The following PTPRN2 variants were observed in gnomAD, a reference collection of about 807,000 sequenced individuals.
PTPRN2 encodes the protein receptor-type tyrosine-protein phosphatase N2.
Under a neutral mutation model 118.8 loss-of-function variants are expected in PTPRN2, and 74 were observed. That is an observed-to-expected ratio of 0.62 (90% CI 0.52 to 0.76). The LOEUF is 0.76. Ranked by LOEUF, PTPRN2 falls within the 30% of genes least tolerant of loss-of-function variation. PTPRN2 has a pLI of 0.00. For synonymous variants in PTPRN2, 641 were observed against 608.0 expected, an observed-to-expected ratio of 1.05 and a Z score of -0.80; for missense variants, 1,481 against 1,394.4, an observed-to-expected ratio of 1.06 and a Z score of -0.99.
intron 5 of PTPRN2, among the ~76,000 whole-genome samples, chr7:158,189,981 G>A (rs745329456): frequency 6.6e-6 from 1 of 152,218 alleles, no homozygotes; most frequent in Non-Finnish European, 1.5e-5. Flanking sequence ...GTGTGCGGAG[G>A]GAATATGTTT....
At chr7:158,158,587 A>T (rs112085331) in intron 6 of PTPRN2, among the ~76,000 whole-genome samples, 1 of 107,828 alleles carries the variant, frequency 9.3e-6, no homozygotes, top group Non-Finnish European at 2.2e-5. Flanking sequence ...GGACTTCGCA[A>T]GTGCTTTCTG....
chr7:157,606,918 G>A (rs984883811), intron 15 of PTPRN2, among the ~76,000 whole-genome samples: 1 of 152,182 alleles, frequency 6.6e-6, no homozygotes, highest in East Asian at 1.9e-4. Context: ...CTTCAGGTAG[G>A]AATGTCAGCC....
At chr7:157,840,856 AGT>A (rs1808368776) in intron 12 of PTPRN2, among the ~76,000 whole-genome samples, 1 of 152,226 alleles carries the variant, frequency 6.6e-6, no homozygotes, top group African/African-American at 2.4e-5. Flanking sequence ...AGGAGCCAGA[AGT>A]GTTTCTTCTT....
chr7:157,629,947 G>A lies in PTPRN2; in HGVS notation c.2197-8438C>T, dbSNP rs1165185516. Among the ~76,000 whole-genome samples, 1 of 152,224 alleles carries A rather than the reference G, an allele frequency of 6.6e-6. No homozygotes were observed. The highest frequency in any genetic ancestry group is 1.9e-4 in the East Asian group (1 of 5,196). On this transcript the variant is annotated intron_variant, in intron 14 of 22. Transcript: ENST00000389418. This position sits in a 1 kb window ranked among gnomAD's most constrained non-coding sequence, Gnocchi z 4.4. ...TGCTTTTAAAAGCAAGGACTAAGCT[G>A]CTTCCACTGCCACTTGGGGAAATGA... is the stretch of plus-strand genomic sequence containing the variant.
intron 21 of PTPRN2, among the ~76,000 whole-genome samples, chr7:157,557,420 C>A (rs1798958471): frequency 6.6e-6 from 1 of 151,908 alleles, no homozygotes; most frequent in Non-Finnish European, 1.5e-5. Context: ...ACAGCTCACA[C>A]TGCACACAAA....
At chr7:157,552,781 G>A (rs1798697572) in intron 21 of PTPRN2, among the ~76,000 whole-genome samples, 1 of 152,262 alleles carries the variant, frequency 6.6e-6, no homozygotes, top group Non-Finnish European at 1.5e-5. Flanking sequence ...GGGCTACAGT[G>A]CTGAGGTGTG....
At chr7:158,318,306 C>T (rs1011600185) in intron 2 of PTPRN2, among the ~76,000 whole-genome samples, 9 of 152,158 alleles carry the variant, frequency 5.9e-5, no homozygotes, top group Non-Finnish European at 1.2e-4. Context: ...AAATAAGGAG[C>T]GACTTCAAAC....
At chr7:158,331,789 G>A (rs1401597551) in intron 2 of PTPRN2, among the ~76,000 whole-genome samples, 5 of 150,922 alleles carry the variant, frequency 3.3e-5, no homozygotes, top group African/African-American at 5.0e-5. Context: ...GTCACGCACA[G>A]ACATCACTCA....
chr7:157,813,979 G>A lies in PTPRN2; in HGVS notation c.1788+84694C>T, dbSNP rs960750096. Among the ~76,000 whole-genome samples, 8 of 152,256 alleles carry A rather than the reference G, an allele frequency of 5.3e-5. No homozygotes were observed. Among genetic ancestry groups the A allele is most frequent in the Admixed American group, 3.9e-4 (6 of 15,288 alleles). On this transcript the variant is annotated intron_variant, in intron 12 of 22. Transcript: ENST00000389418. This position sits in a 1 kb window ranked among gnomAD's most constrained non-coding sequence, Gnocchi z 4.7. Reference sequence around the variant, plus strand: ...GGTTTGTGGTGCTTTGGAGGAGTTTGCTCCTTAGAGTGAGGGGGATTGTTC... The same window carrying A: ...GGTTTGTGGTGCTTTGGAGGAGTTTACTCCTTAGAGTGAGGGGGATTGTTC...
chr7:157,738,445 C>G (rs1800430248), intron 12 of PTPRN2, among the ~76,000 whole-genome samples: 1 of 152,196 alleles, frequency 6.6e-6, no homozygotes, highest in South Asian at 2.1e-4. Context: ...TGAAGTTTCT[C>G]AGCCTCTGGA....
intron 12 of PTPRN2, among the ~76,000 whole-genome samples, chr7:157,691,652 G>A (rs551185511): frequency 3.1e-4 from 47 of 152,354 alleles, no homozygotes; most frequent in African/African-American, 1.1e-3. Flanking sequence ...AAACCCAGGC[G>A]TGCGAGCTGC....
Position 158,503,985 on chromosome 7 carries a change from C to CAA in PTPRN2, c.113-14202_113-14201dup, listed in dbSNP as rs58070541. Among the ~76,000 whole-genome samples, 395 of 118,202 alleles carry CAA rather than the reference C, an allele frequency of 3.3e-3. 2 individuals are homozygous for CAA. Among genetic ancestry groups the CAA allele is most frequent in the Non-Finnish European group, 5.5e-3 (301 of 54,912 alleles). 77.5% of individuals were successfully genotyped at this position (118,202 alleles called of 152,430 possible). On this transcript the variant is annotated intron_variant, in intron 1 of 22. Coordinates refer to ENST00000389418, the MANE Select transcript of PTPRN2 (RefSeq NM_002847.5). Reference sequence around the variant, plus strand: ...CTGGGGGACAAGAGTGAGACTGTCTCAAAAAAAAAAAAATGGAAAAAAAAT... The same window carrying CAA: ...CTGGGGGACAAGAGTGAGACTGTCTCAAAAAAAAAAAAAAATGGAAAAAAAAT...
At chr7:157,939,020 C>T (rs767152940) in intron 11 of PTPRN2, among the ~76,000 whole-genome samples, 22 of 152,172 alleles carry the variant, frequency 1.4e-4, no homozygotes, top group Non-Finnish European at 2.9e-4. Flanking sequence ...TCAACTCACA[C>T]CCAAATTCCG....
chr7:158,534,906 G>A (rs1825557025), intron 1 of PTPRN2, among the ~76,000 whole-genome samples: 1 of 152,194 alleles, frequency 6.6e-6, no homozygotes, highest in Non-Finnish European at 1.5e-5. Flanking sequence ...AGACAGTGAG[G>A]TGGGGGTCTG....
chr7:157,663,039 G>A (rs146650474), intron 13 of PTPRN2, among the ~76,000 whole-genome samples: 2,013 of 152,086 alleles, frequency 0.013, 18 homozygotes, highest in Middle Eastern at 0.027. Context: ...AGAGTGTCCT[G>A]CCTCACGCCG....
rs1303045546 is a variant in PTPRN2, at chr7:157,690,593, G to A, written c.1789-7656C>T. Reference sequence around the variant, plus strand: ...GCCCAGCGCCCGCGCGGGAGGAGGTGGGGGCGTGCGCCGGGCCGAGCGGCC... The same window carrying A: ...GCCCAGCGCCCGCGCGGGAGGAGGTAGGGGCGTGCGCCGGGCCGAGCGGCC... On this transcript the variant is annotated intron_variant, in intron 12 of 22. Coordinates refer to ENST00000389418, the MANE Select transcript of PTPRN2 (RefSeq NM_002847.5). This position sits in a 1 kb window ranked among gnomAD's most constrained non-coding sequence, Gnocchi z 7.1. 1.3e-5 allele frequency among the ~76,000 whole-genome samples: 2 copies of A among 151,688 alleles called. No individual in the cohort carries two copies. Among genetic ancestry groups the A allele is most frequent in the African/African-American group, 2.4e-5 (1 of 41,388 alleles).
chr7:158,379,417 AC>A (rs1244884269), intron 2 of PTPRN2, among the ~76,000 whole-genome samples: 2 of 152,192 alleles, frequency 1.3e-5, no homozygotes, highest in Non-Finnish European at 2.9e-5. Context: ...GAAGGGTGGG[AC>A]AAAGAGCCAC....
intron 5 of PTPRN2, among the ~76,000 whole-genome samples, chr7:158,187,105 G>C (rs569823294): frequency 6.6e-6 from 1 of 152,180 alleles, no homozygotes; most frequent in African/African-American, 2.4e-5. Context: ...AAGTCGTAAC[G>C]ACACCTTGAT....
chr7:158,045,687 C>T (rs1038865752), intron 11 of PTPRN2, among the ~76,000 whole-genome samples: 5 of 152,226 alleles, frequency 3.3e-5, no homozygotes, highest in African/African-American at 1.2e-4. Context: ...GTGAGAGACC[C>T]AGGAGCAGAA....
Sources: allele counts gnomAD v4.1 joint callset (sites outside exome capture counted in the v4.1 genomes callset), GRCh38; gene constraint gnomAD v4.1.1; non-coding constraint Gnocchi (gnomAD v3.1); transcripts MANE v1.5; gene names NCBI Gene and HGNC (gene_info 2026-07-23, HGNC 2026-07-21).